HAUS7: variants seen among roughly 807,000 people sequenced by gnomAD.
HAUS7 encodes the protein HAUS augmin like complex subunit 7.
HAUS7 carries 3 observed loss-of-function variants against 28.4 expected under a neutral mutation model. The ratio of observed to expected loss-of-function variants is 0.11; its 90% CI spans 0.05 to 0.27. HAUS7 has a LOEUF of 0.27. HAUS7 is among the 10% of genes least tolerant of loss of function. The pLI, the probability that HAUS7 is intolerant of heterozygous loss-of-function variation, is 1.00. For synonymous variants in HAUS7, 165 were observed against 132.1 expected (o/e 1.25, Z -1.71); for missense variants, 284 against 297.3 (o/e 0.96, Z 0.33).
At chrX:153,474,638 C>T (rs2089549826), upstream of HAUS7, among the ~76,000 whole-genome samples, 1 of 104,874 alleles carries the variant, frequency 9.5e-6, no homozygotes, top group South Asian at 4.6e-4. Flanking sequence ...GTCTGGGGCC[C>T]TGGGGACCTT....
chrX:153,457,895 C>T (rs943178932), intron 4 of HAUS7, among the ~76,000 whole-genome samples: 1 of 113,423 alleles, frequency 8.8e-6, no homozygotes, highest in African/African-American at 3.2e-5. Context: ...GCTACGCCTG[C>T]TCCAGAAAGC....
At chrX:153,448,460 G>A (rs1278343063) in intron 9 of HAUS7, among the ~76,000 whole-genome samples, 5 of 108,314 alleles carry the variant, frequency 4.6e-5, no homozygotes, top group Admixed American at 3.9e-4. Context: ...GAGTTAATGG[G>A]TGCAGCACAC....
intron 1 of HAUS7, among the ~76,000 whole-genome samples, chrX:153,476,892 G>T (rs782719261): frequency 5.4e-5 from 6 of 111,958 alleles, no homozygotes; most frequent in Admixed American, 3.8e-4. Context: ...GCTCTTGGGC[G>T]GGGGGGAGGG....
intron 4 of HAUS7, among the ~76,000 whole-genome samples, chrX:153,459,612 G>A (rs2089361459): frequency 8.9e-6 from 1 of 111,919 alleles, no homozygotes. Context: ...CAAGTCTTGG[G>A]TGACTGCTGC....
intron 1 of HAUS7, among the ~76,000 whole-genome samples, chrX:153,489,691 C>G (rs1173009079): frequency 8.9e-6 from 1 of 112,427 alleles, no homozygotes; most frequent in Non-Finnish European, 1.9e-5. Flanking sequence ...GCCTGTGTCT[C>G]CGGCCTGAGA....
chrX:153,452,096 C>A (rs7067178), intron 9 of HAUS7, among the ~76,000 whole-genome samples: 1 of 112,424 alleles, frequency 8.9e-6, no homozygotes, highest in African/African-American at 3.2e-5. Context: ...CAGCTGGCTT[C>A]GCATCAGAAG....
chrX:153,449,849 G>C (rs1229947948), intron 9 of HAUS7, among the ~76,000 whole-genome samples: 5 of 112,555 alleles, frequency 4.4e-5, no homozygotes, highest in African/African-American at 1.6e-4. Context: ...TGATCTTTGT[G>C]CTGGTTTTTC....
At chrX:153,480,263 CGGTCCAACCCCT>C (rs1353030673) in intron 1 of HAUS7, among the ~76,000 whole-genome samples, 6 of 110,702 alleles carry the variant, frequency 5.4e-5, no homozygotes, top group African/African-American at 1.6e-4. Context: ...GCCCAACCAC[CGGTCCAACCCCT>C]GGGCCTAACC....
chrX:153,452,016 T>C (rs782140757), intron 9 of HAUS7, among the ~76,000 whole-genome samples: 12 of 112,488 alleles, frequency 1.1e-4, no homozygotes, highest in African/African-American at 3.9e-4. Context: ...GAAGACAGAT[T>C]ATAATCAAAC....
chrX:153,464,910 G>T, intron 3 of HAUS7, 78 bp downstream of exon 3: 1 of 682,825 alleles, frequency 1.5e-6, no homozygotes, highest in Non-Finnish European at 2.4e-6. Context: ...AAAAGAAAAC[G>T]TTGGTCCAAT....
intron 9 of HAUS7, among the ~76,000 whole-genome samples, chrX:153,453,715 C>T (rs1376553030): frequency 9.0e-6 from 1 of 111,176 alleles, no homozygotes; most frequent in Non-Finnish European, 1.9e-5. Context: ...AAATGTGTAT[C>T]CATATAGGAT....
intron 4 of HAUS7, among the ~76,000 whole-genome samples, chrX:153,459,007 C>T (rs2089352762): frequency 8.9e-6 from 1 of 112,101 alleles, no homozygotes; most frequent in Admixed American, 9.4e-5. Flanking sequence ...ATCCTCCTGC[C>T]TCGGCCTCCC....
intron 1 of HAUS7, among the ~76,000 whole-genome samples, chrX:153,492,534 T>C (rs905862405): frequency 3.0e-4 from 34 of 112,082 alleles, no homozygotes; most frequent in African/African-American, 1.1e-3. Context: ...CGTATTTATA[T>C]GAGTATTGCC....
At chrX:153,466,582 C>T (rs972456057) in intron 2 of HAUS7, among the ~76,000 whole-genome samples, 3 of 111,970 alleles carry the variant, frequency 2.7e-5, no homozygotes, top group Non-Finnish European at 3.8e-5. Context: ...TGACAGGGTG[C>T]GGTCACGTAC....
At chrX:153,494,255 G>A (rs945531677) in intron 1 of HAUS7, among the ~76,000 whole-genome samples, 9 of 112,540 alleles carry the variant, frequency 8.0e-5, no homozygotes, top group Admixed American at 1.9e-4. Flanking sequence ...TCTCATGTCC[G>A]AGGGGACCTG....
At position 153,486,768 on chromosome X, in the gene HAUS7, C is replaced by T. The variant is rs781937977; in HGVS notation, c.-589+8606G>A. The T allele has an allele frequency of 1.1e-5, 11 of 981,427 alleles. No individual in the cohort carries two copies. The East Asian group carries it at 7.6e-4, about 67-fold the overall frequency. 80.9% of individuals were successfully genotyped at this position (981,427 alleles called of 1,213,427 possible). On this transcript the variant is annotated intron_variant, in intron 1 of 5. Transcript: ENST00000370210. The stretch of plus-strand genomic sequence containing the variant: ...TCTCCTGCACCCGAGCCTATCACAG[C>T]GTGGTCCTCCAGCCCCAGCGGCGGG...
chrX:153,477,481 G>C (rs1797418977), intron 1 of HAUS7, among the ~76,000 whole-genome samples: 1 of 113,459 alleles, frequency 8.8e-6, no homozygotes, highest in South Asian at 3.6e-4. Context: ...CTCTGGTATC[G>C]AGACTTGGGT....
At position 153,467,080 on chromosome X, in the gene HAUS7, G is replaced by A. The variant is rs782046473; in HGVS notation, c.225-2025C>T. The stretch of plus-strand genomic sequence containing the variant: ...CCAAGTGCCCCCAGCTTCCACCTGA[G>A]TCAGGCAAATCTGCGCCCCCTCCCA... On this transcript the variant is annotated intron_variant, in intron 2 of 9. Coordinates refer to ENST00000370211, the MANE Select transcript of HAUS7 (RefSeq NM_001385482.1). 1.1e-3 allele frequency among the ~76,000 whole-genome samples: 117 copies of A among 111,098 alleles called. 1 individual carries two copies. Among genetic ancestry groups the A allele is most frequent in the African/African-American group, 3.7e-3 (114 of 30,522 alleles).
chrX:153,489,446 C>G (rs1432526615), intron 1 of HAUS7, among the ~76,000 whole-genome samples: 1 of 112,834 alleles, frequency 8.9e-6, no homozygotes, highest in Non-Finnish European at 1.9e-5. Flanking sequence ...TGGGTGCAGC[C>G]AATCGGTGAC....
Sources: allele counts gnomAD v4.1 joint callset (sites outside exome capture counted in the v4.1 genomes callset), GRCh38; gene constraint gnomAD v4.1.1; transcripts MANE v1.5; gene names NCBI Gene and HGNC (gene_info 2026-07-23, HGNC 2026-07-21).